Variants in SGIP1 observed in about 807,000 individuals in gnomAD.
SGIP1 encodes SH3GL interacting endocytic adaptor 1, also known as SH3-containing GRB2-like protein 3-interacting protein 1.
In SGIP1, 38 loss-of-function variants were observed where a neutral mutation model predicts 107.5. The ratio of observed to expected loss-of-function variants is 0.35; its 90% CI spans 0.27 to 0.46. The LOEUF (loss-of-function observed/expected upper bound fraction) is 0.46, where lower values mean the gene tolerates loss of function less well. Ranked by LOEUF, SGIP1 falls within the 20% of genes least tolerant of loss-of-function variation. The pLI, the probability that SGIP1 is intolerant of heterozygous loss-of-function variation, is 1.00. For synonymous variants in SGIP1, 365 were observed against 366.1 expected, an observed-to-expected ratio of 1.00 and a Z score of 0.03; for missense variants, 929 against 1,019.5, an observed-to-expected ratio of 0.91 and a Z score of 1.21.
chr1:66,724,644 T>G (rs1024925709), intron 19 of SGIP1, among the ~76,000 whole-genome samples: 1 of 152,182 alleles, frequency 6.6e-6, no homozygotes, highest in African/African-American at 2.4e-5. Context: ...ATTTTTAAAT[T>G]ACCACCCCAC....
At chr1:66,606,633 A>G (rs1332978045) in intron 1 of SGIP1, among the ~76,000 whole-genome samples, 1 of 152,242 alleles carries the variant, frequency 6.6e-6, no homozygotes, top group African/African-American at 2.4e-5. Flanking sequence ...AGCCTGACTC[A>G]GGCTCTGATT....
At chr1:66,639,661 T>C in intron 4 of SGIP1, 116 bp from the exon 5 acceptor site, 1 of 815,918 alleles carries the variant, frequency 1.2e-6, no homozygotes, top group Non-Finnish European at 2.0e-6. Flanking sequence ...TAATATGTCT[T>C]TCCAGTGCTG....
intron 1 of SGIP1, among the ~76,000 whole-genome samples, chr1:66,552,228 A>T (rs2057524421): frequency 1.3e-5 from 2 of 152,090 alleles, no homozygotes; most frequent in African/African-American, 4.8e-5. Context: ...CTGCTTGATC[A>T]CTTCTCATCA....
intron 2 of SGIP1, among the ~76,000 whole-genome samples, chr1:66,630,486 T>C (rs1473847476): frequency 1.3e-5 from 2 of 151,978 alleles, no homozygotes; most frequent in African/African-American, 4.8e-5. Flanking sequence ...TATTAAGTCC[T>C]AGTAAGTTGA....
chr1:66,738,024 CAG>C (rs1397816478), intron 21 of SGIP1, among the ~76,000 whole-genome samples: 1 of 151,182 alleles, frequency 6.6e-6, no homozygotes, highest in African/African-American at 2.4e-5. Flanking sequence ...CTGCTGAGGA[CAG>C]AGTCCAGAAA....
At chr1:66,572,068 A>G (rs570245994) in intron 1 of SGIP1, among the ~76,000 whole-genome samples, 2 of 152,166 alleles carry the variant, frequency 1.3e-5, no homozygotes, top group South Asian at 4.1e-4. Context: ...CAGCACCACC[A>G]TAGTGTCCAA....
intron 18 of SGIP1, among the ~76,000 whole-genome samples, chr1:66,701,788 G>A (rs905231682): frequency 6.6e-6 from 1 of 152,196 alleles, no homozygotes; most frequent in African/African-American, 2.4e-5. Context: ...CAACTGTCAT[G>A]CTGATGTTAG....
chr1:66,549,749 A>G (rs911911359), intron 1 of SGIP1, among the ~76,000 whole-genome samples: 5 of 152,134 alleles, frequency 3.3e-5, no homozygotes, highest in African/African-American at 1.2e-4. Context: ...GATGTGCTCT[A>G]CATCTGTGCT....
chr1:66,619,064 T>C (rs1027123321), intron 1 of SGIP1, among the ~76,000 whole-genome samples: 5 of 152,146 alleles, frequency 3.3e-5, no homozygotes, highest in African/African-American at 1.2e-4. Context: ...TACATATTGA[T>C]CCTAAAGAGC....
intron 19 of SGIP1, among the ~76,000 whole-genome samples, chr1:66,727,099 A>G (rs960289424): frequency 6.6e-6 from 1 of 152,242 alleles, no homozygotes; most frequent in East Asian, 1.9e-4. Context: ...TGAATTAAAA[A>G]CTTCTGCTCT....
intron 1 of SGIP1, among the ~76,000 whole-genome samples, chr1:66,619,777 C>T (rs769489557): frequency 4.6e-5 from 7 of 152,344 alleles, no homozygotes; most frequent in South Asian, 4.1e-4. Flanking sequence ...AGAATGCAAA[C>T]ACCTCAGTGT....
At chr1:66,551,911 A>G (rs2057470886) in intron 1 of SGIP1, among the ~76,000 whole-genome samples, 1 of 152,196 alleles carries the variant, frequency 6.6e-6, no homozygotes. Context: ...GATATTCATT[A>G]TTAATTATTC....
intron 5 of SGIP1, 130 bp from the exon 6 acceptor site, chr1:66,642,680 C>A: frequency 1.5e-6 from 1 of 664,464 alleles, no homozygotes; most frequent in South Asian, 3.4e-5. Context: ...AATTCACTTC[C>A]AAAAGTAAAA....
intron 1 of SGIP1, among the ~76,000 whole-genome samples, chr1:66,571,365 G>A (rs1404045637): frequency 6.6e-6 from 1 of 151,938 alleles, no homozygotes; most frequent in Non-Finnish European, 1.5e-5. Flanking sequence ...GTCCCAATTT[G>A]AGCAAACATA....
chr1:66,611,957 T>C (rs771294267), intron 1 of SGIP1, among the ~76,000 whole-genome samples: 1 of 152,196 alleles, frequency 6.6e-6, no homozygotes, highest in South Asian at 2.1e-4. Context: ...GTCAGTATTA[T>C]TCAACAGAAG....
At chr1:66,634,222 C>G in intron 3 of SGIP1, 1 of 1,323,040 alleles carries the variant, frequency 7.6e-7, no homozygotes, top group Non-Finnish European at 1.1e-6. Context: ...CCTGGGTTCT[C>G]TGGTCCCCTC....
rs1057032275 is a variant in SGIP1, at chr1:66,750,192, G to C, written c.*7097G>C. On this transcript the variant is annotated 3_prime_UTR_variant, in exon 25 of 25. Transcript: ENST00000371037. Reference sequence around the variant, plus strand: ...TGAACAGAGCTTCACCACAGGCCAAGCAGTAATGTATACAGCTGGCTTTTT... The same window carrying C: ...TGAACAGAGCTTCACCACAGGCCAACCAGTAATGTATACAGCTGGCTTTTT... Among the ~76,000 whole-genome samples the C allele has an allele frequency of 1.2e-3, 177 of 152,206 alleles. No homozygotes were observed. Among genetic ancestry groups the C allele is most frequent in the African/African-American group, 3.9e-3 (160 of 41,554 alleles).
intron 1 of SGIP1, among the ~76,000 whole-genome samples, chr1:66,551,491 G>A (rs184239669): frequency 6.6e-6 from 1 of 152,212 alleles, no homozygotes; most frequent in African/African-American, 2.4e-5. Context: ...TTTGGAAAAG[G>A]TTGTAGTTCC....
chr1:66,539,132 A>C (rs1047425048), intron 1 of SGIP1, among the ~76,000 whole-genome samples: 1 of 152,232 alleles, frequency 6.6e-6, no homozygotes, highest in Admixed American at 6.5e-5. Context: ...AGATAATTCT[A>C]AAGGAGTTGG....
Sources: gnomAD v4.1 joint callset for allele counts (sites outside exome capture counted in the v4.1 genomes callset) on GRCh38, gnomAD v4.1.1 for gene constraint, MANE v1.5 for transcripts, NCBI Gene and HGNC (gene_info 2026-07-23, HGNC 2026-07-21) for gene names.